The following AGMO variants were observed in gnomAD, a reference collection of about 807,000 sequenced individuals.
The protein encoded by AGMO is glyceryl-ether monooxygenase.
In AGMO, 75 loss-of-function variants were observed where a neutral mutation model predicts 60.2. That is an observed-to-expected ratio of 1.25 (90% CI 1.03 to 1.51). The LOEUF is 1.51. AGMO is among the 40% of genes most tolerant of loss of function. The pLI, the probability that AGMO is intolerant of heterozygous loss-of-function variation, is 0.00. For missense variants in AGMO, 763 were observed against 525.5 expected (o/e 1.45, Z -4.42); for synonymous variants, 261 against 177.1 (o/e 1.47, Z -3.76).
At chr7:15,425,102 G>T (rs1182705984) in intron 4 of AGMO, among the ~76,000 whole-genome samples, 2 of 152,048 alleles carry the variant, frequency 1.3e-5, no homozygotes, top group African/African-American at 4.8e-5. Context: ...ATAAATTAAA[G>T]TGATCTTCAA....
At chr7:15,395,705 G>A (rs925296458) in intron 5 of AGMO, among the ~76,000 whole-genome samples, 3 of 152,166 alleles carry the variant, frequency 2.0e-5, no homozygotes, top group Admixed American at 6.5e-5. Context: ...TTTTATGAAT[G>A]TTTGAAAAAG....
At chr7:15,191,277 A>G in the AGMO span, among the ~76,000 whole-genome samples, 12 of 152,206 alleles carry the variant, frequency 7.9e-5, no homozygotes, top group Admixed American at 3.3e-4. Flanking sequence ...AAGTAACACG[A>G]TATCTTGCTA....
intron 6 of AGMO, among the ~76,000 whole-genome samples, chr7:15,393,171 T>C (rs1423892894): frequency 6.6e-6 from 1 of 152,190 alleles, no homozygotes; most frequent in African/African-American, 2.4e-5. Flanking sequence ...GGAAACCGCC[T>C]GTGCCCTCTG....
intron 3 of AGMO, among the ~76,000 whole-genome samples, chr7:15,487,439 A>G (rs1206641551): frequency 1.3e-5 from 2 of 152,252 alleles, no homozygotes; most frequent in Middle Eastern, 6.8e-3. Flanking sequence ...TAATATACTT[A>G]ATATAGTAAA....
intron 12 of AGMO, among the ~76,000 whole-genome samples, chr7:15,248,273 A>C (rs1782827131): frequency 7.7e-6 from 1 of 129,416 alleles, no homozygotes; most frequent in Admixed American, 9.2e-5. Context: ...TTTCTTTCTG[A>C]GCATTAAATT....
At chr7:15,486,822 T>C (rs113392851) in intron 3 of AGMO, among the ~76,000 whole-genome samples, 112 of 152,304 alleles carry the variant, frequency 7.4e-4, no homozygotes, top group African/African-American at 2.5e-3. Context: ...TGCTAAAAAA[T>C]AGACAAAATC....
At chr7:15,252,566 G>T (rs951307789) in intron 12 of AGMO, among the ~76,000 whole-genome samples, 1 of 152,288 alleles carries the variant, frequency 6.6e-6, no homozygotes, top group African/African-American at 2.4e-5. Context: ...ATCCTATGAA[G>T]AACTGAATGA....
chr7:15,538,983 T>A (rs1306743502), intron 3 of AGMO, among the ~76,000 whole-genome samples: 1 of 152,140 alleles, frequency 6.6e-6, no homozygotes, highest in Non-Finnish European at 1.5e-5. Context: ...ATATTATGGA[T>A]TGCTTATTAC....
the AGMO span, among the ~76,000 whole-genome samples, chr7:15,149,363 T>C: frequency 5.3e-5 from 8 of 152,192 alleles, no homozygotes; most frequent in Non-Finnish European, 1.0e-4. Context: ...CAATTACTTT[T>C]GGAGACTTCA....
intron 6 of AGMO, among the ~76,000 whole-genome samples, chr7:15,392,353 G>C (rs1215589324): frequency 6.6e-6 from 1 of 151,936 alleles, no homozygotes; most frequent in East Asian, 1.9e-4. Context: ...TTACAGGCGT[G>C]AGTCAACATG....
chr7:15,165,027 C>G, the AGMO span, among the ~76,000 whole-genome samples: 4 of 151,928 alleles, frequency 2.6e-5, no homozygotes, highest in South Asian at 8.3e-4. Context: ...AAATGTGGTA[C>G]GCATACACTA....
rs547998414 is a variant in AGMO at position 15,488,202 on chromosome 7, G to A, written c.409+56570C>T. On this transcript the variant is annotated intron_variant, in intron 3 of 12. Coordinates refer to ENST00000342526, the MANE Select transcript of AGMO (RefSeq NM_001004320.2). ...TTTTCAGCTGAGCAGAAGGTAGAAA[G>A]CAGTTTCTGAATATTACACACCTAG... Among the ~76,000 whole-genome samples, 29 of 152,292 alleles carry A rather than the reference G, an allele frequency of 1.9e-4. No homozygotes were observed. The South Asian group carries it at 4.1e-3, about 22-fold the overall frequency.
At chr7:15,324,545 G>A (rs1781277971) in intron 12 of AGMO, among the ~76,000 whole-genome samples, 1 of 152,040 alleles carries the variant, frequency 6.6e-6, no homozygotes, top group Non-Finnish European at 1.5e-5. Flanking sequence ...AGAGGCCCCA[G>A]GGTTTTGCCT....
rs143340785 is a variant in AGMO, at chr7:15,492,498, A to G, written c.409+52274T>C. ...ATTGCAGGTTCCAAATTGTGTCCTT[A>G]GGTGCTTGTGGTCCTCACAGTTCAA... On this transcript the variant is annotated intron_variant, in intron 3 of 12. Coordinates refer to ENST00000342526, the MANE Select transcript of AGMO (RefSeq NM_001004320.2). 1.4e-3 allele frequency among the ~76,000 whole-genome samples: 211 copies of G among 152,190 alleles called. 1 individual carries two copies. The highest frequency in any genetic ancestry group is 2.2e-3 in the Non-Finnish European group (150 of 68,002).
chr7:15,301,405 C>T (rs189700419), intron 12 of AGMO, among the ~76,000 whole-genome samples: 1 of 151,942 alleles, frequency 6.6e-6, no homozygotes, highest in Admixed American at 6.5e-5. Flanking sequence ...CGCCACTGCA[C>T]TCCAGCCTGG....
Position 15,395,302 on chromosome 7 carries a change from T to TTG in AGMO, c.610-1124_610-1123insCA, listed in dbSNP as rs1348360704. Among the ~76,000 whole-genome samples, 11 of 152,256 alleles carry TTG rather than the reference T, an allele frequency of 7.2e-5. No individual in the cohort carries two copies. In the East Asian group the frequency reaches 2.1e-3, roughly 29 times the overall value. On this transcript the variant is annotated intron_variant, in intron 5 of 12. Transcript: ENST00000342526. ...AATTATGACATTGATATGAATTTGATAAGTCAGTGTCACGGGAAGAAATAG... is the reference window on the plus strand; with the variant it reads ...AATTATGACATTGATATGAATTTGATTGAAGTCAGTGTCACGGGAAGAAATAG...
intron 12 of AGMO, among the ~76,000 whole-genome samples, chr7:15,354,496 G>GTGTATATACGCGTGTA (rs1390155386): frequency 5.3e-5 from 1 of 18,778 alleles, no homozygotes; most frequent in Non-Finnish European, 9.2e-5. Context: ...ATACACACGT[G>GTGTATATACGCGTGTA]TATATATATA....
intron 3 of AGMO, among the ~76,000 whole-genome samples, chr7:15,543,778 C>T (rs997573340): frequency 2.0e-5 from 3 of 151,672 alleles, no homozygotes; most frequent in East Asian, 2.0e-4. Flanking sequence ...TTTTCCTCTG[C>T]GTAAAGAAGG....
chr7:15,219,589 A>T (rs1345929558), intron 12 of AGMO, among the ~76,000 whole-genome samples: 1 of 152,122 alleles, frequency 6.6e-6, no homozygotes, highest in Non-Finnish European at 1.5e-5. Context: ...GTGTAAGACA[A>T]GATAGGTGAT....
Sources: gnomAD v4.1 joint callset for allele counts (sites outside exome capture counted in the v4.1 genomes callset) on GRCh38, gnomAD v4.1.1 for gene constraint, MANE v1.5 for transcripts, NCBI Gene and HGNC (gene_info 2026-07-23, HGNC 2026-07-21) for gene names.